TRAF6: variants seen among roughly 807,000 people sequenced by gnomAD.
TRAF6 encodes the protein TNF receptor-associated factor 6.
TRAF6 carries 10 observed loss-of-function variants against 48.4 expected under a neutral mutation model. That is an observed-to-expected ratio of 0.21 (90% CI 0.13 to 0.35). The LOEUF (loss-of-function observed/expected upper bound fraction) is 0.35. Ranked by LOEUF, TRAF6 falls within the 10% of genes least tolerant of loss-of-function variation. The pLI, the probability that TRAF6 is intolerant of heterozygous loss-of-function variation, is 1.00. For synonymous variants in TRAF6, 186 were observed against 219.6 expected (o/e 0.85, Z 1.35); for missense variants, 397 against 661.0 (o/e 0.60, Z 4.38).
chr11:36,485,770 G>A lies in TRAF6; in HGVS notation c.*4068C>T, dbSNP rs1239516654. ...TTGACTGAAAGTGAAGGCTGTAATT[G>A]AGTGTCACAGTCTGCCAAGATCCAT... On this transcript the variant is annotated 3_prime_UTR_variant, in exon 7 of 7. Coordinates refer to ENST00000526995, the MANE Select transcript of TRAF6 (RefSeq NM_004620.4). 6.6e-6 allele frequency among the ~76,000 whole-genome samples: 1 copy of A among 152,134 alleles called. No individual in the cohort carries two copies. The highest frequency in any genetic ancestry group is 1.5e-5 in the Non-Finnish European group (1 of 68,030).
At chr11:36,495,429 T>C (rs571590620) in intron 4 of TRAF6, among the ~76,000 whole-genome samples, 1 of 152,348 alleles carries the variant, frequency 6.6e-6, no homozygotes, top group South Asian at 2.1e-4. Flanking sequence ...AAATTTCTTG[T>C]CAGTAGAGTT....
chr11:36,493,192 G>A (rs1203612986), intron 5 of TRAF6, among the ~76,000 whole-genome samples: 2 of 152,184 alleles, frequency 1.3e-5, no homozygotes, highest in East Asian at 3.9e-4. Flanking sequence ...AAAAGTCTCA[G>A]TCCTGGATTT....
intron 1 of TRAF6, among the ~76,000 whole-genome samples, chr11:36,505,211 T>A (rs550190447): frequency 4.6e-5 from 7 of 152,220 alleles, no homozygotes; most frequent in Non-Finnish European, 8.8e-5. Flanking sequence ...TCTGTAGCTA[T>A]GAACATCCTA....
rs1355372419 is a variant in TRAF6, at chr11:36,497,240, A to G, written c.474T>C (p.Ala158=). 2 of 1,610,934 alleles carry G rather than the reference A, an allele frequency of 1.2e-6. No individual in the cohort carries two copies. Among genetic ancestry groups the G allele is most frequent in the Non-Finnish European group, 1.7e-6 (2 of 1,179,498 alleles). ...LEDHQAHCEF[A]LMDCPQCQRP... is the part of the protein sequence containing the mutation. The stretch of plus-strand genomic sequence containing the variant: ...GCTGGCATTGGGGACAATCCATAAG[A>G]GCAAACTCACAATGTGCTTGATGAT... Residue 158 remains alanine, a synonymous_variant, in exon 4 of 7, where the codon GCT becomes GCC. Coordinates refer to ENST00000526995, the MANE Select transcript of TRAF6 (RefSeq NM_004620.4).
rs376580868 is a variant in TRAF6 at position 36,495,077 on chromosome 11, G to A, written c.607-30C>T. 1,013 of 1,501,442 alleles carry A rather than the reference G, an allele frequency of 6.7e-4. 2 individuals carry two copies. The highest frequency in any genetic ancestry group is 8.7e-4 in the Non-Finnish European group (951 of 1,091,642). 93.0% of individuals were successfully genotyped at this position (1,501,442 alleles called of 1,614,324 possible). A position where few individuals can be genotyped will look rare whatever the true frequency, so the allele number is the denominator to read the frequency against. On this transcript the variant is annotated intron_variant, in intron 4 of 6. Transcript: ENST00000526995. ...ATTTTATTAGAGAAATATAATTAAA[G>A]CATGAGAATATCTGAAAAAGTGAAA...
intron 5 of TRAF6, among the ~76,000 whole-genome samples, chr11:36,492,952 A>C (rs995095204): frequency 6.6e-6 from 1 of 152,194 alleles, no homozygotes; most frequent in African/African-American, 2.4e-5. Context: ...ACAAGTGCAA[A>C]CTGGATTAAG....
rs1185504922 is a variant in TRAF6, at chr11:36,488,838, CT to C, written c.*999del. 1.3e-5 allele frequency: 2 copies of C among 152,134 alleles called. No homozygotes were observed. Among genetic ancestry groups the C allele is most frequent in the Non-Finnish European group, 2.9e-5 (2 of 68,006 alleles). The allele number at this position is 152,134 out of a possible 1,614,324, so 9.4% of individuals were successfully genotyped here. On this transcript the variant is annotated 3_prime_UTR_variant, in exon 7 of 7. Transcript: ENST00000526995. ...CTGATTTTAGGAAATCAATTTTGTT[CT>C]TTTTAATCGAAATAAACCAGAGGGT...
chr11:36,498,164 G>A (rs1053773264), intron 3 of TRAF6, among the ~76,000 whole-genome samples: 3 of 152,068 alleles, frequency 2.0e-5, no homozygotes, highest in East Asian at 1.9e-4. Context: ...GATTACAGGC[G>A]TGAGCCACTG....
chr11:36,493,833 T>C (rs1480027732), intron 5 of TRAF6, among the ~76,000 whole-genome samples: 1 of 152,226 alleles, frequency 6.6e-6, no homozygotes, highest in Admixed American at 6.5e-5. Context: ...TAAGGCTTTG[T>C]TGGAAAAATT....
chr11:36,492,785 C>T (rs1859581720), intron 5 of TRAF6, among the ~76,000 whole-genome samples, 157 bp from the exon 6 acceptor site: 1 of 152,198 alleles, frequency 6.6e-6, no homozygotes, highest in Non-Finnish European at 1.5e-5. Context: ...ATTAAAAGAA[C>T]ATCTACTTTC....
At chr11:36,492,670 A>G (rs1859579738) in intron 5 of TRAF6, 42 bp from the exon 6 acceptor site, 1 of 1,447,138 alleles carries the variant, frequency 6.9e-7, no homozygotes, top group South Asian at 1.2e-5. Flanking sequence ...TTCCTTGCAT[A>G]TCATTTTCTA....
chr11:36,509,093 TCAAAG>T (rs1180999434), intron 1 of TRAF6, among the ~76,000 whole-genome samples: 2 of 152,070 alleles, frequency 1.3e-5, no homozygotes, highest in Non-Finnish European at 2.9e-5. Context: ...TCCCTAGTAA[TCAAAG>T]GAGAATGAAT....
Position 36,489,919 on chromosome 11 carries a change from G to C in TRAF6, c.1488C>G (p.Arg496=). The change falls in exon 7 of 7, where the codon CGC becomes CGG. Residue 496 remains arginine, a synonymous_variant. Coordinates refer to ENST00000526995, the MANE Select transcript of TRAF6 (RefSeq NM_004620.4). ...TFIKDDTLLV[R]CEVSTRFDMG... The stretch of plus-strand genomic sequence containing the variant: ...TGTCAAAGCGGGTGGAGACCTCACA[G>C]CGCACTAATAATGTGTCATCCTTAA... The C allele has an allele frequency of 6.2e-7, 1 of 1,614,190 alleles. No individual in the cohort carries two copies. Among genetic ancestry groups the C allele is most frequent in the Non-Finnish European group, 8.5e-7 (1 of 1,180,032 alleles).
chr11:36,500,236 G>C (rs1224653847), intron 2 of TRAF6, among the ~76,000 whole-genome samples: 1 of 152,152 alleles, frequency 6.6e-6, no homozygotes, highest in African/African-American at 2.4e-5. Flanking sequence ...GGGATTGTTC[G>C]GCAAGAAAGG....
chr11:36,499,667 A>G (rs991212363), intron 2 of TRAF6, among the ~76,000 whole-genome samples: 1 of 152,336 alleles, frequency 6.6e-6, no homozygotes, highest in East Asian at 1.9e-4. Flanking sequence ...AGCGCTGTGT[A>G]ATACATCTTT....
intron 5 of TRAF6, among the ~76,000 whole-genome samples, chr11:36,493,629 G>A (rs548005113): frequency 1.4e-4 from 22 of 152,106 alleles, no homozygotes; most frequent in Non-Finnish European, 2.8e-4. Context: ...TTAAAGATGA[G>A]AGGGCACAGT....
At chr11:36,503,471 CG>C (rs1169618927) in intron 1 of TRAF6, among the ~76,000 whole-genome samples, 1 of 152,078 alleles carries the variant, frequency 6.6e-6, no homozygotes, top group Non-Finnish European at 1.5e-5. Flanking sequence ...TTAGTAGAGA[CG>C]GGGTTTTGCC....
At chr11:36,502,697 C>G (rs1054567598) in intron 1 of TRAF6, among the ~76,000 whole-genome samples, 1 of 152,122 alleles carries the variant, frequency 6.6e-6, no homozygotes, top group South Asian at 2.1e-4. Flanking sequence ...CAATGAGGTA[C>G]TATTCTGGCT....
At chr11:36,503,295 GT>G (rs781252455) in intron 1 of TRAF6, among the ~76,000 whole-genome samples, 129 of 139,352 alleles carry the variant, frequency 9.3e-4, no homozygotes, top group Admixed American at 1.9e-3. Flanking sequence ...GTTTACTTAA[GT>G]TTTTTTTTTT....
Sources: allele counts gnomAD v4.1 joint callset (sites outside exome capture counted in the v4.1 genomes callset), GRCh38; gene constraint gnomAD v4.1.1; transcripts MANE v1.5; gene names NCBI Gene and HGNC (gene_info 2026-07-23, HGNC 2026-07-21).